The following ADAM9 variants were observed in gnomAD, a reference collection of about 807,000 sequenced individuals.
ADAM9 encodes the protein ADAM metallopeptidase domain 9.
In ADAM9, 54 loss-of-function variants were observed where a neutral mutation model predicts 108.1. The ratio of observed to expected loss-of-function variants is 0.50; its 90% confidence interval spans 0.40 to 0.63. The LOEUF is 0.63. Among genes scored for constraint, ADAM9 ranks in the 20% least tolerant of loss-of-function variants. The pLI is 0.00. For synonymous variants in ADAM9, 316 were observed against 336.0 expected, an observed-to-expected ratio of 0.94 and a Z score of 0.65; for missense variants, 830 against 997.7, an observed-to-expected ratio of 0.83 and a Z score of 2.26.
chr8:39,061,673 A>C (rs568084588), intron 14 of ADAM9, among the ~76,000 whole-genome samples: 1 of 151,746 alleles, frequency 6.6e-6, no homozygotes, highest in East Asian at 2.0e-4. Flanking sequence ...CCATCTGATG[A>C]GGGTCGTTTT....
At chr8:39,020,738 G>A (rs1317915839) in intron 7 of ADAM9, among the ~76,000 whole-genome samples, 2 of 152,052 alleles carry the variant, frequency 1.3e-5, no homozygotes, top group African/African-American at 4.8e-5. Flanking sequence ...GGCTGTTTCT[G>A]TCTCAGTTCT....
chr8:39,064,986 C>T (rs994733377), intron 14 of ADAM9, among the ~76,000 whole-genome samples: 5 of 152,100 alleles, frequency 3.3e-5, no homozygotes, highest in Non-Finnish European at 7.4e-5. Flanking sequence ...GGTGATATGC[C>T]TTGATGTGGG....
chr8:39,046,004 G>C (rs1443365871), intron 12 of ADAM9, among the ~76,000 whole-genome samples: 2 of 151,834 alleles, frequency 1.3e-5, no homozygotes, highest in Admixed American at 6.6e-5. Context: ...TTTGGCAGCT[G>C]CTTGTATTTC....
At position 39,090,140 on chromosome 8, in the gene ADAM9, A is replaced by T; in HGVS notation, c.2162A>T (p.Asp721Val). The T allele has an allele frequency of 6.2e-7, 1 of 1,613,892 alleles. No individual in the cohort carries two copies. Among genetic ancestry groups the T allele is most frequent in the Non-Finnish European group, 8.5e-7 (1 of 1,179,908 alleles). The change falls in exon 19 of 22, where the codon GAT (aspartate) becomes GTT (valine). Residue 721 changes from aspartate (D) to valine (V), a missense_variant. By Grantham distance (152) the Asp-to-Val change is radical. This residue lies in a region of ADAM9 where 238 missense variants were observed against 235.7 expected (regional missense o/e 1.01). Coordinates refer to ENST00000487273, the MANE Select transcript of ADAM9 (RefSeq NM_003816.3). ...GCTATTTTTATCTTCATCAAGAGGG[A>T]TCAACTGTGGAGAAGCTACTTCAGA... Reference protein sequence around the residue: ...VCAIFIFIKRDQLWRSYFRKK... With the variant: ...VCAIFIFIKRVQLWRSYFRKK...
chr8:39,091,268 C>A lies in ADAM9; in HGVS notation c.2220C>A (p.Gly740=). The A allele has an allele frequency of 6.2e-7, 1 of 1,613,930 alleles. No homozygotes were observed. The highest frequency in any genetic ancestry group is 8.5e-7 in the Non-Finnish European group (1 of 1,179,908). ...KKRSQTYESD[G]KNQANPSRQP... ...TAATTGTATCTTTCAGGTCAGATGG[C>A]AAAAATCAAGCAAACCCTTCTAGAC... Residue 740 remains glycine, a synonymous_variant, in exon 20 of 22, where the codon GGC becomes GGA. Transcript: ENST00000487273.
chr8:39,083,996 A>G (rs1024622752), intron 18 of ADAM9, among the ~76,000 whole-genome samples: 1 of 152,124 alleles, frequency 6.6e-6, no homozygotes, highest in African/African-American at 2.4e-5. Context: ...AACAGTTGCT[A>G]TTGTCAGTCT....
intron 12 of ADAM9, among the ~76,000 whole-genome samples, chr8:39,048,607 T>G (rs976317704): frequency 6.6e-6 from 1 of 152,168 alleles, no homozygotes; most frequent in African/African-American, 2.4e-5. Context: ...GTAGTGTTGT[T>G]CAAGTCCTGT....
At chr8:39,067,817 T>C (rs999392485) in intron 14 of ADAM9, among the ~76,000 whole-genome samples, 6 of 152,220 alleles carry the variant, frequency 3.9e-5, no homozygotes, top group Admixed American at 2.6e-4. Flanking sequence ...ATCCCTGTCT[T>C]GTGCCAGTTT....
chr8:39,047,771 C>T (rs993738080), intron 12 of ADAM9, among the ~76,000 whole-genome samples: 1 of 151,612 alleles, frequency 6.6e-6, no homozygotes, highest in African/African-American at 2.4e-5. Context: ...TTTCTAGTCT[C>T]AATTTTGTTT....
intron 18 of ADAM9, among the ~76,000 whole-genome samples, chr8:39,088,929 C>G (rs1040850977): frequency 1.3e-5 from 2 of 151,842 alleles, no homozygotes; most frequent in Non-Finnish European, 2.9e-5. Flanking sequence ...AAGGACTGAG[C>G]AGAAAAAAAT....
At chr8:39,038,614 G>A (rs574045167) in intron 11 of ADAM9, among the ~76,000 whole-genome samples, 257 of 152,166 alleles carry the variant, frequency 1.7e-3, no homozygotes, top group African/African-American at 5.8e-3. Flanking sequence ...ACCTTTACAT[G>A]GGCAGGGATT....
chr8:39,030,059 A>G (rs1219982708), intron 11 of ADAM9, among the ~76,000 whole-genome samples: 1 of 152,186 alleles, frequency 6.6e-6, no homozygotes, highest in East Asian at 1.9e-4. Flanking sequence ...ATCCCTCAAC[A>G]GAGTGGTATG....
chr8:39,037,930 C>T (rs1466971534), intron 11 of ADAM9, among the ~76,000 whole-genome samples: 1 of 152,144 alleles, frequency 6.6e-6, no homozygotes, highest in Non-Finnish European at 1.5e-5. Flanking sequence ...TGTGATCTAC[C>T]CATAGTCTTC....
intron 14 of ADAM9, among the ~76,000 whole-genome samples, chr8:39,069,813 C>T (rs1838617310): frequency 6.6e-6 from 1 of 152,042 alleles, no homozygotes. Context: ...AATATTTCCT[C>T]TACTGTCAAT....
intron 12 of ADAM9, among the ~76,000 whole-genome samples, chr8:39,045,139 T>TGTGTGTGTGC: frequency 8.4e-6 from 1 of 118,666 alleles, no homozygotes. Flanking sequence ...TACATACATA[T>TGTGTGTGTGC]ATGTGTATAT....
At position 39,084,910 on chromosome 8, in the gene ADAM9, C is replaced by G. The variant is rs1233512350; in HGVS notation, c.2068+1837C>G. ...CATAAACACTTAGAATTATTCTATCCTCTTTGTAAATTGACTCTTTATCCT... is the reference window on the plus strand; with the variant it reads ...CATAAACACTTAGAATTATTCTATCGTCTTTGTAAATTGACTCTTTATCCT... On this transcript the variant is annotated intron_variant, in intron 18 of 21. Transcript: ENST00000487273. 3.3e-5 allele frequency among the ~76,000 whole-genome samples: 5 copies of G among 151,950 alleles called. No individual in the cohort carries two copies. In the East Asian group the frequency reaches 9.6e-4, roughly 29 times the overall value.
intron 12 of ADAM9, among the ~76,000 whole-genome samples, chr8:39,049,586 C>T (rs911418131): frequency 6.6e-6 from 1 of 151,680 alleles, no homozygotes; most frequent in African/African-American, 2.4e-5. Context: ...CTACAGGTGC[C>T]TGCCACCACG....
At chr8:39,002,479 C>T (rs771712544) in intron 1 of ADAM9, among the ~76,000 whole-genome samples, 4 of 151,300 alleles carry the variant, frequency 2.6e-5, no homozygotes, top group Non-Finnish European at 5.9e-5. Context: ...CCACCACGCC[C>T]GGCTAATTTT....
chr8:39,099,312 G>A (rs1449073991), intron 20 of ADAM9, among the ~76,000 whole-genome samples: 4 of 152,126 alleles, frequency 2.6e-5, no homozygotes, highest in Admixed American at 6.5e-5. Flanking sequence ...CCGTAGTTTG[G>A]ACTCTTTCAT....
Sources: allele counts gnomAD v4.1 joint callset (sites outside exome capture counted in the v4.1 genomes callset), GRCh38; gene constraint gnomAD v4.1.1; regional missense constraint gnomAD v4.1.1; transcripts MANE v1.5; gene names NCBI Gene and HGNC (gene_info 2026-07-23, HGNC 2026-07-21).